The following MTOR variants were observed in gnomAD, a reference collection of about 807,000 sequenced individuals.
MTOR encodes the protein mechanistic target of rapamycin kinase.
Under a neutral mutation model 319.8 loss-of-function variants are expected in MTOR, and 70 were observed. The ratio of observed to expected loss-of-function variants is 0.22; its 90% CI spans 0.18 to 0.27. The LOEUF (loss-of-function observed/expected upper bound fraction) is 0.27, where lower values mean the gene tolerates loss of function less well. Ranked by LOEUF, MTOR falls within the 10% of genes least tolerant of loss-of-function variation. The pLI is 1.00. For missense variants in MTOR, 1,890 were observed against 3,274.4 expected, an observed-to-expected ratio of 0.58 and a Z score of 10.32; for synonymous variants, 1,183 against 1,211.4, an observed-to-expected ratio of 0.98 and a Z score of 0.49.
chr1:11,206,413 C>G (rs1459717096), intron 25 of MTOR, among the ~76,000 whole-genome samples: 2 of 152,158 alleles, frequency 1.3e-5, no homozygotes, highest in South Asian at 4.1e-4. Flanking sequence ...ACCATTGATG[C>G]TAGTTGACAC....
intron 23 of MTOR, among the ~76,000 whole-genome samples, chr1:11,211,512 C>G (rs1395926745): frequency 1.3e-5 from 2 of 152,266 alleles, no homozygotes; most frequent in East Asian, 3.9e-4. Context: ...GGACCACAGG[C>G]ACGTGTTCCT....
intron 38 of MTOR, 193 bp from the exon 39 acceptor site, chr1:11,130,970 T>C: frequency 1.5e-6 from 1 of 682,698 alleles, no homozygotes; most frequent in Non-Finnish European, 2.4e-6. Flanking sequence ...TGTGGAGCAC[T>C]AACTATATAA....
intron 11 of MTOR, among the ~76,000 whole-genome samples, chr1:11,239,971 T>G (rs1177268347): frequency 6.6e-6 from 1 of 150,992 alleles, no homozygotes; most frequent in Non-Finnish European, 1.5e-5. Flanking sequence ...CAAAAGCCCC[T>G]ACTTATACAT....
chr1:11,121,477 A>G lies in MTOR; in HGVS notation c.6811-109T>C. Reference sequence around the variant, plus strand: ...GGCAGAGCTGAGTTCTAATTTCCCCATCATAGCCAAAGGAGAAGGGAAATA... The same window carrying G: ...GGCAGAGCTGAGTTCTAATTTCCCCGTCATAGCCAAAGGAGAAGGGAAATA... On this transcript the variant is annotated intron_variant, in intron 48 of 57. Coordinates refer to ENST00000361445, the MANE Select transcript of MTOR (RefSeq NM_004958.4). The surrounding 1 kb of genome is among the most constrained non-coding windows in gnomAD (Gnocchi z 4.9). The G allele has an allele frequency of 7.1e-7, 1 of 1,418,230 alleles. No homozygotes were observed. 87.9% of individuals were successfully genotyped at this position (1,418,230 alleles called of 1,614,324 possible). A position where few individuals can be genotyped will look rare whatever the true frequency, so the allele number is the denominator to read the frequency against.
rs1570909047 is a variant in MTOR at position 11,115,024 on chromosome 1, T to C, written c.7090-137A>G. 6 of 677,500 alleles carry C rather than the reference T, an allele frequency of 8.9e-6. 1 individual carries two copies. The highest frequency in any genetic ancestry group is 5.0e-4 in the Middle Eastern group (2 of 4,038). 42.0% of individuals were successfully genotyped at this position (677,500 alleles called of 1,614,324 possible). ...GGGAAAGGAAGCAGCTTGGGTTTAG[T>C]GAGAGGACTTGTCACAGGGATTTGA... On this transcript the variant is annotated intron_variant, in intron 51 of 57. Coordinates refer to ENST00000361445, the MANE Select transcript of MTOR (RefSeq NM_004958.4). This position sits in a 1 kb window ranked among gnomAD's most constrained non-coding sequence, Gnocchi z 4.5.
At chr1:11,140,774 T>C (rs1020535875) in intron 34 of MTOR, among the ~76,000 whole-genome samples, 5 of 152,222 alleles carry the variant, frequency 3.3e-5, no homozygotes, top group Non-Finnish European at 7.3e-5. Flanking sequence ...TAACACATAA[T>C]ACATCTTCAA....
intron 28 of MTOR, chr1:11,194,812 T>A: frequency 2.5e-6 from 4 of 1,610,280 alleles, no homozygotes; most frequent in Non-Finnish European, 3.4e-6. Context: ...GTCTGGTCTA[T>A]CACAGTCAAC....
Position 11,156,749 on chromosome 1 carries a change from T to A in MTOR, c.4469+403A>T, listed in dbSNP as rs184048031. 4.6e-5 allele frequency among the ~76,000 whole-genome samples: 7 copies of A among 152,254 alleles called. No homozygotes were observed. In the East Asian group the frequency reaches 7.7e-4, roughly 17 times the overall value. ...TGCTGGACACACAGTAAGCATCCGATATAGGTGAAGCACCTGAAGAGGGCA... is the reference window on the plus strand; with the variant it reads ...TGCTGGACACACAGTAAGCATCCGAAATAGGTGAAGCACCTGAAGAGGGCA... On this transcript the variant is annotated intron_variant, in intron 30 of 57. Coordinates refer to ENST00000361445, the MANE Select transcript of MTOR (RefSeq NM_004958.4).
In MTOR at chr1:11,130,609, C is replaced by T. The variant is rs762176419; in HGVS notation, c.5533G>A (p.Glu1845Lys). 6.2e-6 allele frequency: 10 copies of T among 1,613,878 alleles called. No homozygotes were observed. Among genetic ancestry groups the T allele is most frequent in the African/African-American group, 1.3e-5 (1 of 74,996 alleles). ...AATATTTAST[E>K]GSNSESEAES... ...GCCTCGCTCTCACTGTTGCTGCCCT[C>T]GGTGCTGGCAGTGGTGGTGGCAGTG... Residue 1845 changes from glutamate (E) to lysine (K), a missense_variant, in exon 39 of 58, where the codon GAG becomes AAG. By Grantham distance (56) the Glu-to-Lys change is moderately conservative. Around this residue, in one of 15 missense-constraint regions of MTOR, gnomAD observed 91 missense variants for 90.4 expected, o/e 1.01. Coordinates refer to ENST00000361445, the MANE Select transcript of MTOR (RefSeq NM_004958.4).
chr1:11,107,186 C>A lies in MTOR; in HGVS notation c.*299G>T. ...GTTCTCTTGTGAGTTAAGTCAAAAC[C>A]CGTATTTCTAAAGTTATGGATCTTC... On this transcript the variant is annotated 3_prime_UTR_variant, in exon 58 of 58. Coordinates refer to ENST00000361445, the MANE Select transcript of MTOR (RefSeq NM_004958.4). 1 of 1,386,190 alleles carries A rather than the reference C, an allele frequency of 7.2e-7. No homozygotes were observed. The allele number at this position is 1,386,190 out of a possible 1,614,324, so 85.9% of individuals were successfully genotyped here.
At chr1:11,112,048 G>A (rs572133654) in intron 54 of MTOR, among the ~76,000 whole-genome samples, 25 of 152,200 alleles carry the variant, frequency 1.6e-4, no homozygotes, top group African/African-American at 5.8e-4. Context: ...TAAAATAAAA[G>A]TTAAACAGCT....
chr1:11,133,464 T>C lies in MTOR; in HGVS notation c.5247-267A>G, dbSNP rs1466095255. Among the ~76,000 whole-genome samples the C allele has an allele frequency of 1.3e-5, 2 of 151,358 alleles. No homozygotes were observed. Among genetic ancestry groups the C allele is most frequent in the African/African-American group, 4.9e-5 (2 of 41,142 alleles). On this transcript the variant is annotated intron_variant, in intron 37 of 57. Transcript: ENST00000361445. The surrounding 1 kb of genome is among the most constrained non-coding windows in gnomAD (Gnocchi z 4.0). ...TGTACCTGGTACAGATAGGTCTGTA[T>C]GGACTTACCTACCCCAAACCCAATT...
intron 28 of MTOR, among the ~76,000 whole-genome samples, chr1:11,194,006 C>T (rs571404791): frequency 6.6e-5 from 10 of 152,272 alleles, no homozygotes; most frequent in Non-Finnish European, 8.8e-5. Context: ...GAGGCCAGAC[C>T]CAGGCCAGAG....
chr1:11,121,221 AG>A lies in MTOR; in HGVS notation c.6933+24del, dbSNP rs773295088. The A allele has an allele frequency of 1.2e-5, 20 of 1,611,464 alleles. No individual in the cohort carries two copies. In the South Asian group the frequency reaches 1.4e-4, roughly 12 times the overall value. On this transcript the variant is annotated intron_variant, in intron 49 of 57. Coordinates refer to ENST00000361445, the MANE Select transcript of MTOR (RefSeq NM_004958.4). The surrounding 1 kb of genome is among the most constrained non-coding windows in gnomAD (Gnocchi z 4.9). ...GCGAGTGGGGGTTCCAGGAGAGCGC[AG>A]GTCTGCAGGGCCCAGTGGCCTACCT...
chr1:11,137,152 T>TAAAAA (rs33927011), intron 36 of MTOR, among the ~76,000 whole-genome samples: 24 of 73,284 alleles, frequency 3.3e-4, no homozygotes, highest in East Asian at 2.5e-3. Flanking sequence ...TAAATCTGAT[T>TAAAAA]AAAAAAAAAA....
At chr1:11,114,909 A>G in intron 51 of MTOR, 22 bp from the exon 52 acceptor site, 1 of 1,607,154 alleles carries the variant, frequency 6.2e-7, no homozygotes, top group Non-Finnish European at 8.5e-7. Flanking sequence ...TAAATGGGAA[A>G]AGCCAAATCA....
chr1:11,185,264 T>TA (rs144836318), intron 28 of MTOR, among the ~76,000 whole-genome samples: 2 of 150,694 alleles, frequency 1.3e-5, no homozygotes, highest in Admixed American at 6.6e-5. Context: ...TTTTTTTTTT[T>TA]ACTATATTCC....
Position 11,114,905 on chromosome 1 carries a change from G to C in MTOR, c.7090-18C>G, listed in dbSNP as rs747269225. The C allele has an allele frequency of 2.5e-6, 4 of 1,610,084 alleles. No homozygotes were observed. The highest frequency in any genetic ancestry group is 1.7e-4 in the Middle Eastern group (1 of 6,052). On this transcript the variant is annotated intron_variant, in intron 51 of 57. Transcript: ENST00000361445. The stretch of plus-strand genomic sequence containing the variant: ...ATAGCAACCTACAGAATAATAAATG[G>C]GAAAAGCCAAATCAATGTTTATTTT...
rs754231875 is a variant in MTOR at position 11,114,823 on chromosome 1, T to A, written c.7154A>T (p.Asn2385Ile). The A allele has an allele frequency of 6.2e-7, 1 of 1,614,126 alleles. No homozygotes were observed. Among genetic ancestry groups the A allele is most frequent in the Non-Finnish European group, 8.5e-7 (1 of 1,179,988 alleles). Residue 2385 changes from asparagine (N) to isoleucine (I), a missense_variant, in exon 52 of 58, where the codon AAT becomes ATT. This residue lies in a region of MTOR where 23 missense variants were observed against 81.7 expected (regional missense o/e 0.28). Transcript: ENST00000361445. ...IPFRLTRMLT[N>I]AMEVTGLDGN... ...CCGATATCCACTCACCTCCATAGCA[T>A]TGGTCAACATTCTTGTTAGTCTAAA...
Sources: gnomAD v4.1 joint callset for allele counts (sites outside exome capture counted in the v4.1 genomes callset) on GRCh38, gnomAD v4.1.1 for gene constraint, gnomAD v4.1.1 regional missense constraint, Gnocchi (gnomAD v3.1) non-coding constraint, MANE v1.5 for transcripts, NCBI Gene and HGNC (gene_info 2026-07-23, HGNC 2026-07-21) for gene names.